The following KDR variants were observed in gnomAD, a reference collection of about 807,000 sequenced individuals.
The protein encoded by KDR is kinase insert domain receptor.
In KDR, 43 loss-of-function variants were observed where a neutral mutation model predicts 160.9. The ratio of observed to expected loss-of-function variants is 0.27; its 90% CI spans 0.21 to 0.34. The LOEUF (loss-of-function observed/expected upper bound fraction) is 0.34. Among genes scored for constraint, KDR ranks in the 10% least tolerant of loss-of-function variants. KDR has a pLI of 1.00. For missense variants in KDR, 1,469 were observed against 1,666.4 expected (o/e 0.88, Z 2.06); for synonymous variants, 617 against 600.1 (o/e 1.03, Z -0.41).
chr4:55,114,157 A>G lies in KDR; in HGVS notation c.767T>C (p.Ile256Thr), dbSNP rs1720671432. 1.1e-5 allele frequency: 17 copies of G among 1,613,924 alleles called. No individual in the cohort carries two copies. The East Asian group carries it at 3.6e-4, about 34-fold the overall frequency. Residue 256 changes from isoleucine to threonine, a missense_variant, in exon 6 of 30, where the codon ATT becomes ACT. Physicochemically the swap from Ile to Thr is moderately conservative, Grantham distance 89 (BLOSUM62 -1). This residue lies in a region of KDR where 792 missense variants were observed against 840.9 expected (regional missense o/e 0.94). Coordinates refer to ENST00000263923, the MANE Select transcript of KDR (RefSeq NM_002253.4). ...CTARTELNVG[I>T]DFNWEYPSSK... is the part of the protein sequence containing the mutation. ...AGAAGGGTATTCCCAGTTGAAGTCAATCCCCACATTTAGTTCAGTTCTTGC... is the reference window on the plus strand; with the variant it reads ...AGAAGGGTATTCCCAGTTGAAGTCAGTCCCCACATTTAGTTCAGTTCTTGC...
chr4:55,094,171 TG>T (rs1238137017), intron 21 of KDR, among the ~76,000 whole-genome samples: 1 of 152,050 alleles, frequency 6.6e-6, no homozygotes, highest in African/African-American at 2.4e-5. Context: ...ATCGCACCAT[TG>T]CACTCCAGCC....
intron 15 of KDR, 121 bp from the exon 16 acceptor site, chr4:55,098,924 G>A: frequency 2.9e-6 from 2 of 695,292 alleles, no homozygotes; most frequent in Non-Finnish European, 5.3e-6. Context: ...AATCCTAGAG[G>A]ACAACAGTTA....
rs1202865854 is a variant in KDR, at chr4:55,097,694, G to C, written c.2582C>G (p.Thr861Ser). The change falls in exon 18 of 30, where the codon ACT becomes AGT. Residue 861 changes from threonine to serine, a missense_variant. Physicochemically the swap from Thr to Ser is moderately conservative, Grantham distance 58. Around this residue, in one of 7 missense-constraint regions of KDR, gnomAD observed 151 missense variants for 207.2 expected, o/e 0.73. Coordinates refer to ENST00000263923, the MANE Select transcript of KDR (RefSeq NM_002253.4). ...CATTTTGACTGCTACTGTCCTGCAA[G>C]TTGCTGTCTTGTCAATTCCAAAGGC... ...ADAFGIDKTA[T>S]CRTVAVKMLK... The C allele has an allele frequency of 3.7e-6, 6 of 1,613,176 alleles. No homozygotes were observed. The highest frequency in any genetic ancestry group is 4.2e-6 in the Non-Finnish European group (5 of 1,179,588).
chr4:55,097,178 T>C (rs1720179283), intron 18 of KDR, among the ~76,000 whole-genome samples: 1 of 152,162 alleles, frequency 6.6e-6, no homozygotes, highest in Admixed American at 6.5e-5. Context: ...ATATAACCCA[T>C]TATATTTTTT....
Position 55,079,382 on chromosome 4 carries a change from C to A in KDR, c.*559G>T. Reference sequence around the variant, plus strand: ...GACCCCATGCCCACCTCCACCAGAGCAAACACAATGCATTTGCAGGCTCCA... The same window carrying A: ...GACCCCATGCCCACCTCCACCAGAGAAAACACAATGCATTTGCAGGCTCCA... On this transcript the variant is annotated 3_prime_UTR_variant, in exon 30 of 30. Coordinates refer to ENST00000263923, the MANE Select transcript of KDR (RefSeq NM_002253.4). The A allele has an allele frequency of 4.0e-6, 1 of 247,876 alleles. No homozygotes were observed. The highest frequency in any genetic ancestry group is 7.9e-6 in the Non-Finnish European group (1 of 125,868). 15.4% of individuals were successfully genotyped at this position (247,876 alleles called of 1,614,324 possible).
chr4:55,109,009 T>A (rs1188651380), intron 9 of KDR, among the ~76,000 whole-genome samples: 1 of 152,154 alleles, frequency 6.6e-6, no homozygotes, highest in Non-Finnish European at 1.5e-5. Flanking sequence ...CCTCCCATCC[T>A]ACTTATACAC....
At position 55,098,181 on chromosome 4, in the gene KDR, T is replaced by G; in HGVS notation, c.2465A>C (p.Tyr822Ser). ...PLDEHCERLP[Y>S]DASKWEFPRD... ...GGGGAATTCCCATTTGCTGGCATCA[T>G]AAGGCAGTCGTTCACAATGTTCATC... The change falls in exon 17 of 30, where the codon TAT becomes TCT. Residue 822 changes from tyrosine to serine, a missense_variant. Physicochemically the swap from Tyr to Ser is moderately radical, Grantham distance 144. Transcript: ENST00000263923. 1.9e-6 allele frequency: 3 copies of G among 1,613,986 alleles called. No homozygotes were observed. The South Asian group carries it at 3.3e-5, about 18-fold the overall frequency.
rs181635861 is a variant in KDR at position 55,117,705 on chromosome 4, C to G, written c.358+899G>C. The stretch of plus-strand genomic sequence containing the variant: ...GTCATCTTCACCTGTCTCAAATACT[C>G]TGGGATGTAAAAAGGCATATACGTA... On this transcript the variant is annotated intron_variant, in intron 3 of 29. Coordinates refer to ENST00000263923, the MANE Select transcript of KDR (RefSeq NM_002253.4). Among the ~76,000 whole-genome samples, 442 of 152,304 alleles carry G rather than the reference C, an allele frequency of 2.9e-3. 3 individuals carry two copies. The highest frequency in any genetic ancestry group is 0.01 in the African/African-American group (429 of 41,564).
rs370750952 is a variant in KDR at position 55,098,754 on chromosome 4, C to A, written c.2316G>T (p.Ala772=). 2.2e-5 allele frequency: 35 copies of A among 1,613,216 alleles called. No homozygotes were observed. The highest frequency in any genetic ancestry group is 2.9e-5 in the Non-Finnish European group (34 of 1,179,512). The change falls in exon 16 of 30, where the codon GCG becomes GCT. Residue 772 remains alanine (A), a synonymous_variant. Transcript: ENST00000263923. The part of the protein sequence containing the change: ...NLEIIILVGT[A]VIAMFFWLLL... The stretch of plus-strand genomic sequence containing the variant: ...GTAGCCAGAAGAACATGGCAATCAC[C>A]GCCGTGCCTACTAGAATAATGATTT...
At chr4:55,119,558 G>A (rs1459785721) in intron 2 of KDR, among the ~76,000 whole-genome samples, 1 of 152,174 alleles carries the variant, frequency 6.6e-6, no homozygotes, top group African/African-American at 2.4e-5. Context: ...TTTTGCAGGA[G>A]GTGGTCTTGA....
In KDR at chr4:55,102,474, C is replaced by T. The variant is rs139644107; in HGVS notation, c.2022G>A (p.Glu674=). 2 of 1,613,788 alleles carry T rather than the reference C, an allele frequency of 1.2e-6. No homozygotes were observed. Among genetic ancestry groups the T allele is most frequent in the South Asian group, 2.2e-5 (2 of 91,078 alleles). Residue 674 remains glutamate, a synonymous_variant, in exon 14 of 30, where the codon GAG becomes GAA. Coordinates refer to ENST00000263923, the MANE Select transcript of KDR (RefSeq NM_002253.4). ...RVAPTITGNL[E]NQTTSIGESI... ...TTTCCCCAATACTTGTCGTCTGATT[C>T]TCCAGGTTTCCTGTGATCGTGGGTG... is the stretch of plus-strand genomic sequence containing the variant.
At chr4:55,103,487 C>T (rs1373080303) in intron 13 of KDR, among the ~76,000 whole-genome samples, 1 of 152,176 alleles carries the variant, frequency 6.6e-6, no homozygotes, top group Admixed American at 6.5e-5. Flanking sequence ...TTTCTGGGCA[C>T]AGCTAGGCCA....
At position 55,094,795 on chromosome 4, in the gene KDR, C is replaced by T; in HGVS notation, c.2971+7G>A. The T allele has an allele frequency of 6.2e-7, 1 of 1,612,480 alleles. No individual in the cohort carries two copies. The highest frequency in any genetic ancestry group is 8.5e-7 in the Non-Finnish European group (1 of 1,178,534). The stretch of plus-strand genomic sequence containing the variant: ...TGCCATAGCATGCAGGAAGCACTAG[C>T]CAGTACCTTCCTCTTCTTCTACATC... On this transcript the variant is annotated splice_region_variant and intron_variant, in intron 21 of 29. Transcript: ENST00000263923.
At chr4:55,090,969 C>T (rs181918556) in intron 22 of KDR, among the ~76,000 whole-genome samples, 107 of 151,330 alleles carry the variant, frequency 7.1e-4, no homozygotes, top group Non-Finnish European at 1.2e-3. Flanking sequence ...ATTCTCCTGC[C>T]TCTGCCTCCC....
intron 7 of KDR, among the ~76,000 whole-genome samples, chr4:55,112,903 C>T (rs10020464): frequency 0.33 from 50,352 of 152,034 alleles, 8,684 homozygotes; most frequent in East Asian, 0.6. Context: ...CCCTGAGTTG[C>T]TCACAGGTCA....
intron 18 of KDR, 151 bp downstream of exon 18, chr4:55,097,510 CT>C (rs34095091): frequency 1.6e-5 from 10 of 616,252 alleles, no homozygotes; most frequent in Admixed American, 2.4e-5. Context: ...AAGGAGGATC[CT>C]TTTTCCAATT....
At chr4:55,121,291 T>C (rs1720867669) in intron 1 of KDR, 101 bp from the exon 2 acceptor site, 1 of 790,818 alleles carries the variant, frequency 1.3e-6, no homozygotes, top group East Asian at 2.5e-5. Context: ...AAAAGGCCTC[T>C]TCAGCAATTC....
chr4:55,107,902 G>A lies in KDR; in HGVS notation c.1256-9C>T, dbSNP rs748897632. The A allele has an allele frequency of 9.9e-6, 16 of 1,613,640 alleles. No individual in the cohort carries two copies. The highest frequency in any genetic ancestry group is 1.7e-6 in the Non-Finnish European group (2 of 1,179,788). On this transcript the variant is annotated splice_polypyrimidine_tract_variant and intron_variant, in intron 9 of 29. Transcript: ENST00000263923. The stretch of plus-strand genomic sequence containing the variant: ...ACCAATCTGGGGTGGGACTGAAGAT[G>A]GGAAAAACAACTTTTGAATTGTCAG...
Position 55,082,647 on chromosome 4 carries a change from C to T in KDR, c.3663-12G>A, listed in dbSNP as rs1719766145. 3.1e-6 allele frequency: 5 copies of T among 1,603,828 alleles called. No homozygotes were observed. The African/African-American group carries it at 4.0e-5, about 13-fold the overall frequency. On this transcript the variant is annotated splice_polypyrimidine_tract_variant and intron_variant, in intron 27 of 29. Transcript: ENST00000263923. ...TCTGCAGATACTGACTGCAAAAGAA[C>T]AAATATTTATATTTTAGTGGTGGTA...
Sources: allele counts gnomAD v4.1 joint callset (sites outside exome capture counted in the v4.1 genomes callset), GRCh38; gene constraint gnomAD v4.1.1; regional missense constraint gnomAD v4.1.1; transcripts MANE v1.5; gene names NCBI Gene and HGNC (gene_info 2026-07-23, HGNC 2026-07-21).